The following IFT80 variants were observed in gnomAD, a reference collection of about 807,000 sequenced individuals.
IFT80 encodes intraflagellar transport 80, also known as intraflagellar transport protein 80 homolog.
A neutral mutation model predicts 107.9 loss-of-function variants in IFT80; 79 were observed. The observed-to-expected ratio is 0.73, with a 90% CI of 0.61 to 0.88. The LOEUF is 0.88. IFT80 is among the 40% of genes least tolerant of loss of function. The pLI is 0.00. For missense variants in IFT80, 797 were observed against 914.2 expected, an observed-to-expected ratio of 0.87 and a Z score of 1.65; for synonymous variants, 299 against 300.9, an observed-to-expected ratio of 0.99 and a Z score of 0.07.
At position 160,280,810 on chromosome 3, in the gene IFT80, T is replaced by C. The variant is rs768828850; in HGVS notation, c.1521A>G (p.Thr507=). 4 of 1,612,442 alleles carry C rather than the reference T, an allele frequency of 2.5e-6. No individual in the cohort carries two copies. In the Admixed American group the frequency reaches 6.7e-5, roughly 27 times the overall value. The change falls in exon 15 of 20, where the codon ACA becomes ACG. Residue 507 remains threonine (T), a synonymous_variant. Transcript: ENST00000326448. ...GKEEQIIKLG[T]MVHTLAWNDT... is the part of the protein sequence containing the mutation. ...CGTTCCATGCCAAAGTATGCACCAT[T>C]GTTCCTTAATTTAAAAAGAATGTTA...
At chr3:160,271,101 G>A (rs1713774268) in intron 18 of IFT80, among the ~76,000 whole-genome samples, 2 of 151,994 alleles carry the variant, frequency 1.3e-5, no homozygotes, top group Admixed American at 1.3e-4. Context: ...AATATGTATC[G>A]ATTGAATAGC....
chr3:160,258,496 A>T lies in IFT80; in HGVS notation c.*29T>A. 1 of 1,613,258 alleles carries T rather than the reference A, an allele frequency of 6.2e-7. No homozygotes were observed. The highest frequency in any genetic ancestry group is 8.5e-7 in the Non-Finnish European group (1 of 1,179,872). ...GGTTAATCAGAACGTGTTTCAAAAG[A>T]TAAAATTTCTTAAAGATACGCATGG... On this transcript the variant is annotated 3_prime_UTR_variant, in exon 20 of 20. Transcript: ENST00000326448.
intron 8 of IFT80, among the ~76,000 whole-genome samples, chr3:160,334,652 T>G (rs1719332382): frequency 6.6e-6 from 1 of 152,138 alleles, no homozygotes; most frequent in South Asian, 2.1e-4. Context: ...CCTGACCTTG[T>G]GATCCGCCCT....
chr3:160,319,812 T>C lies in IFT80; in HGVS notation c.905A>G (p.His302Arg), dbSNP rs375179576. Residue 302 changes from histidine (H) to arginine (R), a missense_variant, in exon 9 of 20, where the codon CAT (histidine) becomes CGT (arginine). Coordinates refer to ENST00000326448, the MANE Select transcript of IFT80 (RefSeq NM_020800.3). ...HVVFAHVVEQ[H>R]WEWKNFQVTL... ...TACTTGAAAATTTTTCCACTCCCAA[T>C]GTTGTTCCACCACATGTGCAAAAAC... is the stretch of plus-strand genomic sequence containing the variant. The C allele has an allele frequency of 3.1e-5, 50 of 1,612,980 alleles. No homozygotes were observed. Among genetic ancestry groups the C allele is most frequent in the Non-Finnish European group, 3.9e-5 (46 of 1,179,302 alleles).
intron 6 of IFT80, among the ~76,000 whole-genome samples, chr3:160,363,844 T>C (rs1032274361): frequency 6.6e-6 from 1 of 152,176 alleles, no homozygotes; most frequent in Non-Finnish European, 1.5e-5. Flanking sequence ...TTACACCTTA[T>C]ACAAAAATTA....
intron 9 of IFT80, among the ~76,000 whole-genome samples, chr3:160,308,516 G>A (rs760206865): frequency 1.9e-4 from 29 of 152,052 alleles, no homozygotes; most frequent in Admixed American, 1.8e-3. Context: ...TTAAATTTAC[G>A]TATCTCTGGT....
chr3:160,388,332 C>T (rs936961798), intron 1 of IFT80, among the ~76,000 whole-genome samples: 1 of 150,788 alleles, frequency 6.6e-6, no homozygotes, highest in Non-Finnish European at 1.5e-5. Flanking sequence ...CAGAACATTG[C>T]ATCAATACAC....
chr3:160,357,401 A>T, intron 7 of IFT80, 88 bp downstream of exon 7: 1 of 742,098 alleles, frequency 1.3e-6, no homozygotes, highest in Non-Finnish European at 2.3e-6. Context: ...GACATGGCTA[A>T]AGTAAAAAAC....
chr3:160,285,630 A>C (rs1018854189), intron 13 of IFT80, among the ~76,000 whole-genome samples, 174 bp downstream of exon 13: 2 of 152,248 alleles, frequency 1.3e-5, no homozygotes, highest in Non-Finnish European at 2.9e-5. Flanking sequence ...AAACTTTACC[A>C]GTGCTTAGTC....
chr3:160,382,566 C>G (rs888361753), intron 2 of IFT80, among the ~76,000 whole-genome samples: 35 of 152,256 alleles, frequency 2.3e-4, no homozygotes, highest in Admixed American at 2.0e-3. Context: ...GGTGATTACC[C>G]TAGCAGAATT....
intron 1 of IFT80, among the ~76,000 whole-genome samples, chr3:160,397,904 A>T (rs1167947767): frequency 6.6e-6 from 1 of 151,866 alleles, no homozygotes; most frequent in Non-Finnish European, 1.5e-5. Flanking sequence ...TATTTTTAGT[A>T]GAGACGGGGT....
At chr3:160,278,564 G>C (rs1306692087) in intron 16 of IFT80, among the ~76,000 whole-genome samples, 1 of 151,748 alleles carries the variant, frequency 6.6e-6, no homozygotes, top group Non-Finnish European at 1.5e-5. Context: ...TGCCTATTAC[G>C]CTTTCCACTC....
At chr3:160,295,025 C>A (rs1715863510) in intron 12 of IFT80, among the ~76,000 whole-genome samples, 2 of 152,072 alleles carry the variant, frequency 1.3e-5, no homozygotes, top group African/African-American at 4.8e-5. Context: ...TAAAACGGGG[C>A]AGATATTTCA....
chr3:160,395,961 C>G (rs979085360), intron 1 of IFT80, among the ~76,000 whole-genome samples: 15 of 152,080 alleles, frequency 9.9e-5, no homozygotes, highest in African/African-American at 3.6e-4. Context: ...TATCCTTGGT[C>G]TGGTGCTAGC....
chr3:160,287,602 A>G (rs1023569355), intron 12 of IFT80, among the ~76,000 whole-genome samples: 1 of 152,236 alleles, frequency 6.6e-6, no homozygotes, highest in African/African-American at 2.4e-5. Context: ...AACACCAGCT[A>G]TGCTGCAATC....
intron 8 of IFT80, among the ~76,000 whole-genome samples, chr3:160,324,581 C>G (rs564456021): frequency 2.0e-4 from 31 of 152,058 alleles, no homozygotes; most frequent in East Asian, 1.2e-3. Context: ...ATTCAACAAC[C>G]CTTCATGCTA....
intron 1 of IFT80, among the ~76,000 whole-genome samples, chr3:160,392,592 C>G (rs1394667144): frequency 2.0e-5 from 3 of 152,198 alleles, no homozygotes; most frequent in African/African-American, 7.2e-5. Context: ...CATACCAAAT[C>G]CAACTTGTAA....
At position 160,286,251 on chromosome 3, in the gene IFT80, T is replaced by C. The variant is rs141662041; in HGVS notation, c.1316-383A>G. On this transcript the variant is annotated intron_variant, in intron 12 of 19. Transcript: ENST00000326448. Reference sequence around the variant, plus strand: ...CTTTGAAGGTTAACTGAAAATCAACTCACAAAAGGCAGATTAATAGGAGAA... The same window carrying C: ...CTTTGAAGGTTAACTGAAAATCAACCCACAAAAGGCAGATTAATAGGAGAA... Among the ~76,000 whole-genome samples the C allele has an allele frequency of 3.3e-3, 500 of 152,268 alleles. 2 individuals carry two copies. The highest frequency in any genetic ancestry group is 0.01 in the African/African-American group (433 of 41,552).
intron 19 of IFT80, among the ~76,000 whole-genome samples, chr3:160,263,438 T>C (rs1196960597): frequency 1.3e-5 from 2 of 152,138 alleles, no homozygotes; most frequent in Non-Finnish European, 2.9e-5. Context: ...CATTACGAAG[T>C]CTATTCTCTT....
Sources: allele counts gnomAD v4.1 joint callset (sites outside exome capture counted in the v4.1 genomes callset), GRCh38; gene constraint gnomAD v4.1.1; transcripts MANE v1.5; gene names NCBI Gene and HGNC (gene_info 2026-07-23, HGNC 2026-07-21).